DCC: variants seen among roughly 807,000 people sequenced by gnomAD.
DCC encodes the protein DCC netrin 1 receptor.
A neutral mutation model predicts 172.5 loss-of-function variants in DCC; 58 were observed. The observed-to-expected ratio is 0.34, with a 90% CI of 0.27 to 0.42. The LOEUF (loss-of-function observed/expected upper bound fraction) is 0.42. DCC is among the 10% of genes least tolerant of loss of function. The pLI, the probability that DCC is intolerant of heterozygous loss-of-function variation, is 1.00. For missense variants in DCC, 1,740 were observed against 1,791.0 expected (o/e 0.97, Z 0.51); for synonymous variants, 709 against 644.5 (o/e 1.10, Z -1.52).
At chr18:53,437,610 A>G (rs1055309295) in intron 22 of DCC, among the ~76,000 whole-genome samples, 1 of 142,548 alleles carries the variant, frequency 7.0e-6, no homozygotes, top group Admixed American at 7.0e-5. Context: ...AAAAAAAAAA[A>G]GCTCACAGAA....
chr18:53,407,696 T>C (rs531543910), intron 19 of DCC, among the ~76,000 whole-genome samples: 1 of 151,606 alleles, frequency 6.6e-6, no homozygotes, highest in Non-Finnish European at 1.5e-5. Flanking sequence ...TTTATAGAAA[T>C]GTATACTCAG....
chr18:53,411,145 A>G (rs1462748368), intron 20 of DCC, among the ~76,000 whole-genome samples: 1 of 151,946 alleles, frequency 6.6e-6, no homozygotes, highest in Non-Finnish European at 1.5e-5. Flanking sequence ...AAGTTGCAAT[A>G]TGATATCTAG....
intron 1 of DCC, among the ~76,000 whole-genome samples, chr18:52,635,154 A>G (rs2034750042): frequency 6.6e-6 from 1 of 152,204 alleles, no homozygotes; most frequent in African/African-American, 2.4e-5. Flanking sequence ...ACAACACAGT[A>G]GTTTATCATT....
chr18:53,296,433 C>T (rs898536807), intron 12 of DCC, among the ~76,000 whole-genome samples: 4 of 152,132 alleles, frequency 2.6e-5, no homozygotes, highest in African/African-American at 7.2e-5. Flanking sequence ...CATAATCCTA[C>T]GAGGGAGGGA....
chr18:52,429,834 C>G (rs1987561721), intron 1 of DCC, among the ~76,000 whole-genome samples: 1 of 152,086 alleles, frequency 6.6e-6, no homozygotes, highest in South Asian at 2.1e-4. Flanking sequence ...CTGGCTCCTC[C>G]TTTTAAGAAG....
chr18:53,321,397 CA>C (rs924992447), intron 13 of DCC, among the ~76,000 whole-genome samples: 1 of 152,096 alleles, frequency 6.6e-6, no homozygotes, highest in Non-Finnish European at 1.5e-5. Flanking sequence ...TTTCATATAT[CA>C]GATAAATGAT....
chr18:53,345,445 T>C (rs1192147704), intron 15 of DCC, among the ~76,000 whole-genome samples: 1 of 152,150 alleles, frequency 6.6e-6, no homozygotes, highest in Non-Finnish European at 1.5e-5. Flanking sequence ...TGTACATGCA[T>C]TGAAAATCCC....
intron 5 of DCC, among the ~76,000 whole-genome samples, chr18:53,015,617 C>T (rs1037805846): frequency 6.6e-6 from 1 of 152,020 alleles, no homozygotes; most frequent in Non-Finnish European, 1.5e-5. Flanking sequence ...GAGGTTATAT[C>T]CTTACGTACA....
intron 15 of DCC, among the ~76,000 whole-genome samples, chr18:53,366,394 G>T (rs139095246): frequency 6.6e-6 from 1 of 151,910 alleles, no homozygotes; most frequent in Non-Finnish European, 1.5e-5. Context: ...TCATCGTTTA[G>T]CTAGTCATTT....
chr18:52,920,524 A>C (rs916427291), intron 3 of DCC, among the ~76,000 whole-genome samples: 1 of 151,810 alleles, frequency 6.6e-6, no homozygotes, highest in Admixed American at 6.6e-5. Flanking sequence ...TGGCTAAAAT[A>C]CAAAAAAAAT....
At chr18:52,418,415 G>T (rs985328036) in intron 1 of DCC, among the ~76,000 whole-genome samples, 1 of 152,134 alleles carries the variant, frequency 6.6e-6, no homozygotes, top group East Asian at 1.9e-4. Context: ...CAGTGTTTTT[G>T]AGGCTGGAGC....
intron 3 of DCC, among the ~76,000 whole-genome samples, chr18:52,912,211 T>A (rs2039980486): frequency 6.6e-6 from 1 of 152,118 alleles, no homozygotes. Flanking sequence ...ATTTATCTTA[T>A]AAAATGTCGC....
chr18:52,413,927 T>A (rs1986927346), intron 1 of DCC, among the ~76,000 whole-genome samples: 1 of 152,106 alleles, frequency 6.6e-6, no homozygotes, highest in African/African-American at 2.4e-5. Flanking sequence ...GCTCTGCAAA[T>A]AGAATGATTT....
intron 2 of DCC, among the ~76,000 whole-genome samples, chr18:52,859,159 A>C (rs2039096873): frequency 6.6e-6 from 1 of 152,142 alleles, no homozygotes; most frequent in Non-Finnish European, 1.5e-5. Flanking sequence ...ATTATAATTT[A>C]AAATAATGGC....
rs1184060769 is a variant in DCC, at chr18:52,574,261, C to T, written c.92-177793C>T. ...TTCAACCCATTGTTATTTTGGCTAA[C>T]CATTTATGAGGAATATGTGAGTGTG... On this transcript the variant is annotated intron_variant, in intron 1 of 28. Transcript: ENST00000442544. Among the ~76,000 whole-genome samples, 7 of 152,136 alleles carry T rather than the reference C, an allele frequency of 4.6e-5. No individual in the cohort carries two copies. In the South Asian group the frequency reaches 1.2e-3, roughly 27 times the overall value.
At chr18:52,852,715 T>G (rs2038995555) in intron 2 of DCC, among the ~76,000 whole-genome samples, 1 of 151,896 alleles carries the variant, frequency 6.6e-6, no homozygotes, top group African/African-American at 2.4e-5. Context: ...AGTGCTTAGA[T>G]GGGCATTTGT....
chr18:53,305,477 C>A, intron 12 of DCC, 101 bp from the exon 13 acceptor site: 1 of 960,808 alleles, frequency 1.0e-6, no homozygotes, highest in Non-Finnish European at 1.7e-6. Context: ...ACACTTCTTG[C>A]TTCTCTGCTT....
intron 5 of DCC, among the ~76,000 whole-genome samples, chr18:53,048,813 A>G (rs1174733551): frequency 6.6e-6 from 1 of 151,438 alleles, no homozygotes; most frequent in Non-Finnish European, 1.5e-5. Flanking sequence ...GGGTATAAGG[A>G]TTTTCTTCTC....
intron 2 of DCC, among the ~76,000 whole-genome samples, chr18:52,798,048 G>GAAGGTTGCTTGCACA (rs1568110886): frequency 6.7e-6 from 1 of 149,914 alleles, no homozygotes; most frequent in African/African-American, 2.4e-5. Context: ...TTGCTTGCAC[G>GAAGGTTGCTTGCACA]AAGGTTGCTT....
Sources: gnomAD v4.1 joint callset for allele counts (sites outside exome capture counted in the v4.1 genomes callset) on GRCh38, gnomAD v4.1.1 for gene constraint, MANE v1.5 for transcripts, NCBI Gene and HGNC (gene_info 2026-07-23, HGNC 2026-07-21) for gene names.